Variants in FUT8 observed in about 807,000 individuals in gnomAD.
The protein encoded by FUT8 is fucosyltransferase 8.
A neutral mutation model predicts 71.3 loss-of-function variants in FUT8; 29 were observed. The ratio of observed to expected loss-of-function variants is 0.41; its 90% confidence interval spans 0.30 to 0.55. The LOEUF is 0.55. Among genes scored for constraint, FUT8 ranks in the 20% least tolerant of loss-of-function variants. The probability of loss-of-function intolerance (pLI) is 0.34; values close to 1 mark genes in which losing one functional copy is unlikely to be tolerated. For missense variants in FUT8, 544 were observed against 702.1 expected, an observed-to-expected ratio of 0.77 and a Z score of 2.55; for synonymous variants, 254 against 239.3, an observed-to-expected ratio of 1.06 and a Z score of -0.57.
At chr14:65,590,481 A>G (rs1887630194) in intron 3 of FUT8, among the ~76,000 whole-genome samples, 1 of 152,116 alleles carries the variant, frequency 6.6e-6, no homozygotes, top group African/African-American at 2.4e-5. Context: ...ATCCCTTAAG[A>G]TGTCTCTCTG....
the FUT8 span, among the ~76,000 whole-genome samples, chr14:65,372,040 CTCTT>C: frequency 6.6e-6 from 1 of 152,182 alleles, no homozygotes; most frequent in African/African-American, 2.4e-5. Flanking sequence ...TTCATTTTCT[CTCTT>C]TCTGTATTTG....
At chr14:65,520,143 A>G (rs1195267917) in intron 2 of FUT8, among the ~76,000 whole-genome samples, 1 of 152,226 alleles carries the variant, frequency 6.6e-6, no homozygotes, top group Non-Finnish European at 1.5e-5. Flanking sequence ...AATGAATAAT[A>G]GCATTTACAA....
At chr14:65,562,267 G>A (rs1885954821) in intron 3 of FUT8, among the ~76,000 whole-genome samples, 1 of 152,038 alleles carries the variant, frequency 6.6e-6, no homozygotes, top group South Asian at 2.1e-4. Context: ...TCCAAACTAT[G>A]TTTTAAACTC....
chr14:65,625,716 T>A (rs1038295564), intron 5 of FUT8, among the ~76,000 whole-genome samples: 6 of 152,222 alleles, frequency 3.9e-5, no homozygotes, highest in African/African-American at 1.4e-4. Context: ...TTCCAAAGCA[T>A]CGTTCAAAGT....
chr14:65,737,198 A>G (rs953032758), intron 10 of FUT8, among the ~76,000 whole-genome samples: 2 of 152,088 alleles, frequency 1.3e-5, no homozygotes, highest in African/African-American at 2.4e-5. Context: ...TCTTCAATGA[A>G]AAGGTTTTAA....
At chr14:65,365,702 T>C in the FUT8 span, among the ~76,000 whole-genome samples, 4 of 152,180 alleles carry the variant, frequency 2.6e-5, no homozygotes, top group African/African-American at 9.7e-5. Context: ...GGTTGCCCTA[T>C]AGGGTCTGAA....
At chr14:65,375,683 T>G in the FUT8 span, among the ~76,000 whole-genome samples, 1 of 152,112 alleles carries the variant, frequency 6.6e-6, no homozygotes, top group African/African-American at 2.4e-5. Context: ...ATTTTACGGA[T>G]GAAATAGGCT....
the FUT8 span, among the ~76,000 whole-genome samples, chr14:65,370,049 A>T: frequency 6.6e-6 from 1 of 151,798 alleles, no homozygotes; most frequent in East Asian, 1.9e-4. Context: ...AAATTATAAT[A>T]ATGATAGATG....
At position 65,616,350 on chromosome 14, in the gene FUT8, T is replaced by C. The variant is rs1192214250; in HGVS notation, c.459T>C (p.Leu153=). Residue 153 remains leucine, a synonymous_variant, in exon 5 of 11, where the codon CTT becomes CTC. Coordinates refer to ENST00000673929, the MANE Select transcript of FUT8 (RefSeq NM_001371533.1). ...TCCAAAGACATGCAGATGAATTTCT[T>C]TTGGATTTAGGACATCATGAAAGGT... ...NELQRHADEF[L]LDLGHHERSI... The C allele has an allele frequency of 6.2e-6, 10 of 1,604,734 alleles. No homozygotes were observed. In the African/African-American group the frequency reaches 1.2e-4, roughly 19 times the overall value.
At chr14:65,412,311 A>C, upstream of FUT8, 1 of 456,652 alleles carries the variant, frequency 2.2e-6, no homozygotes, top group Non-Finnish European at 4.4e-6. Flanking sequence ...AGTAGCAAGG[A>C]GCCAGCTTCA....
intron 3 of FUT8, among the ~76,000 whole-genome samples, chr14:65,582,983 T>C (rs1887172462): frequency 6.6e-6 from 1 of 152,350 alleles, no homozygotes; most frequent in Middle Eastern, 3.4e-3. Context: ...TAGTGAATGC[T>C]GCATGAATGG....
chr14:65,450,472 C>T (rs1233261394), intron 1 of FUT8, among the ~76,000 whole-genome samples: 3 of 152,184 alleles, frequency 2.0e-5, no homozygotes, highest in Non-Finnish European at 2.9e-5. Context: ...TACAGCAGAT[C>T]TTGTAACGTT....
intron 2 of FUT8, among the ~76,000 whole-genome samples, chr14:65,494,421 G>A (rs921430917): frequency 6.6e-5 from 10 of 152,026 alleles, no homozygotes; most frequent in African/African-American, 2.4e-4. Context: ...GAAGAGAAAA[G>A]GTTTATTGTA....
At chr14:65,380,459 G>T in the FUT8 span, among the ~76,000 whole-genome samples, 1 of 152,128 alleles carries the variant, frequency 6.6e-6, no homozygotes, top group East Asian at 1.9e-4. Context: ...AATGGATAGG[G>T]ATAGAATAAT....
chr14:65,595,541 T>G (rs1887917693), intron 3 of FUT8, among the ~76,000 whole-genome samples: 1 of 151,982 alleles, frequency 6.6e-6, no homozygotes, highest in South Asian at 2.1e-4. Flanking sequence ...TAAGTAGAAT[T>G]GACATATATT....
intron 6 of FUT8, among the ~76,000 whole-genome samples, chr14:65,653,390 C>T (rs1891507588): frequency 6.6e-6 from 1 of 152,046 alleles, no homozygotes; most frequent in African/African-American, 2.4e-5. Context: ...GATTTATTAA[C>T]TTTAGTATCT....
At chr14:65,490,663 A>G (rs2066468926) in intron 2 of FUT8, among the ~76,000 whole-genome samples, 1 of 152,156 alleles carries the variant, frequency 6.6e-6, no homozygotes, top group Non-Finnish European at 1.5e-5. Context: ...TGATAAATCA[A>G]AAACTAAATA....
At position 65,662,895 on chromosome 14, in the gene FUT8, T is replaced by C. The variant is rs549571176; in HGVS notation, c.598-6348T>C. ...AGCTCTTTCATTAGAGAATGTTGTCTTAAGTAATTTTCACAGATTTACCTT... is the reference window on the plus strand; with the variant it reads ...AGCTCTTTCATTAGAGAATGTTGTCCTAAGTAATTTTCACAGATTTACCTT... On this transcript the variant is annotated intron_variant, in intron 6 of 10. Transcript: ENST00000673929. Among the ~76,000 whole-genome samples, 57 of 152,338 alleles carry C rather than the reference T, an allele frequency of 3.7e-4. 2 individuals are homozygous for C. The South Asian group carries it at 5.2e-3, about 14-fold the overall frequency.
chr14:65,616,795 T>A (rs1889308820), intron 5 of FUT8, among the ~76,000 whole-genome samples: 1 of 152,204 alleles, frequency 6.6e-6, no homozygotes, highest in Non-Finnish European at 1.5e-5. Flanking sequence ...AATAGCATTT[T>A]TTTAAGGATT....
Sources: gnomAD v4.1 joint callset for allele counts (sites outside exome capture counted in the v4.1 genomes callset) on GRCh38, gnomAD v4.1.1 for gene constraint, MANE v1.5 for transcripts, NCBI Gene and HGNC (gene_info 2026-07-23, HGNC 2026-07-21) for gene names.